SCFD2: variants seen among roughly 807,000 people sequenced by gnomAD.
The protein encoded by SCFD2 is sec1 family domain-containing protein 2.
SCFD2 carries 54 observed loss-of-function variants against 58.9 expected under a neutral mutation model. The observed-to-expected ratio is 0.92, with a 90% CI of 0.74 to 1.15. The LOEUF (loss-of-function observed/expected upper bound fraction) is 1.15, where lower values mean the gene tolerates loss of function less well. Ranked by LOEUF, SCFD2 falls within the 50% of genes most tolerant of loss-of-function variation. SCFD2 has a pLI of 0.00. For synonymous variants in SCFD2, 321 were observed against 335.9 expected, an observed-to-expected ratio of 0.96 and a Z score of 0.49; for missense variants, 805 against 836.6, an observed-to-expected ratio of 0.96 and a Z score of 0.47.
At chr4:53,060,344 G>C (rs573810225) in intron 5 of SCFD2, among the ~76,000 whole-genome samples, 9 of 152,088 alleles carry the variant, frequency 5.9e-5, no homozygotes, top group Non-Finnish European at 1.3e-4. Context: ...TCTGATCCAT[G>C]AACGACCTCC....
intron 7 of SCFD2, among the ~76,000 whole-genome samples, chr4:52,899,749 C>T (rs1016278726): frequency 2.6e-5 from 4 of 152,160 alleles, no homozygotes; most frequent in African/African-American, 9.7e-5. Context: ...GAGTGTTTTC[C>T]AACTTGGTTC....
At chr4:53,237,208 G>A (rs1050462928) in intron 4 of SCFD2, among the ~76,000 whole-genome samples, 19 of 148,918 alleles carry the variant, frequency 1.3e-4, no homozygotes, top group African/African-American at 4.7e-4. Context: ...TCTTAGTACA[G>A]AACAAAATGA....
intron 5 of SCFD2, chr4:52,956,606 C>T (rs1271796460): frequency 5.2e-6 from 1 of 193,476 alleles, no homozygotes; most frequent in Non-Finnish European, 1.1e-5. Flanking sequence ...TCATGAGCAC[C>T]TCTTCCCAGC....
intron 4 of SCFD2, among the ~76,000 whole-genome samples, chr4:53,147,025 C>T (rs1560357087): frequency 6.6e-6 from 1 of 151,896 alleles, no homozygotes; most frequent in Non-Finnish European, 1.5e-5. Flanking sequence ...AAAAATAAAG[C>T]GGGAAAGGAA....
intron 5 of SCFD2, among the ~76,000 whole-genome samples, chr4:53,071,238 G>A (rs1461192436): frequency 6.6e-6 from 1 of 152,240 alleles, no homozygotes; most frequent in East Asian, 1.9e-4. Flanking sequence ...ATTATCGTAC[G>A]CATCCTGGAT....
At chr4:53,194,282 C>T (rs1477968840) in intron 4 of SCFD2, among the ~76,000 whole-genome samples, 1 of 152,102 alleles carries the variant, frequency 6.6e-6, no homozygotes, top group Non-Finnish European at 1.5e-5. Flanking sequence ...TTCACTCCTC[C>T]TGTCACTACT....
At chr4:53,070,584 TAA>T (rs1723787059) in intron 5 of SCFD2, among the ~76,000 whole-genome samples, 1 of 152,048 alleles carries the variant, frequency 6.6e-6, no homozygotes, top group Admixed American at 6.6e-5. Context: ...GTGATTGATT[TAA>T]GAGAGCAAAT....
In SCFD2 at chr4:53,124,797, T is replaced by C. The variant is rs150056378; in HGVS notation, c.1561+20536A>G. Among the ~76,000 whole-genome samples the C allele has an allele frequency of 2.3e-3, 355 of 152,314 alleles. 5 individuals are homozygous for C. The highest frequency in any genetic ancestry group is 8.2e-3 in the African/African-American group (339 of 41,582). On this transcript the variant is annotated intron_variant, in intron 5 of 8. Coordinates refer to ENST00000401642, the MANE Select transcript of SCFD2 (RefSeq NM_152540.4). ...TAAAAATGTCAAAACTCTTTGTTCA[T>C]TCCTTCCTTCAGCACCACCATTTTC...
intron 5 of SCFD2, among the ~76,000 whole-genome samples, chr4:53,127,741 G>A (rs1725669271): frequency 1.3e-5 from 2 of 152,056 alleles, no homozygotes. Flanking sequence ...GCCTGTGTCT[G>A]GGACAGAGGG....
intron 5 of SCFD2, among the ~76,000 whole-genome samples, chr4:53,068,752 A>T (rs1390215431): frequency 6.6e-6 from 1 of 152,062 alleles, no homozygotes; most frequent in Non-Finnish European, 1.5e-5. Context: ...AGCTTTGGAC[A>T]TTCAATATTT....
chr4:53,077,393 T>C (rs1171440263), intron 5 of SCFD2, among the ~76,000 whole-genome samples: 3 of 152,204 alleles, frequency 2.0e-5, no homozygotes, highest in African/African-American at 4.8e-5. Context: ...ATCTTTACTG[T>C]ATTAAAAACT....
At chr4:53,339,671 G>C (rs1179641888) in intron 2 of SCFD2, among the ~76,000 whole-genome samples, 2 of 152,082 alleles carry the variant, frequency 1.3e-5, no homozygotes, top group Non-Finnish European at 2.9e-5. Context: ...TCGGGAGGCT[G>C]AGGCAGGAGA....
At chr4:52,897,969 G>T (rs535666066) in intron 7 of SCFD2, among the ~76,000 whole-genome samples, 101 of 152,248 alleles carry the variant, frequency 6.6e-4, no homozygotes, top group African/African-American at 2.3e-3. Context: ...TTCTCTGATG[G>T]TAGTTTGTAT....
At chr4:53,049,361 T>C (rs1723126404) in intron 5 of SCFD2, among the ~76,000 whole-genome samples, 1 of 151,990 alleles carries the variant, frequency 6.6e-6, no homozygotes, top group African/African-American at 2.4e-5. Context: ...TTGGTACTAA[T>C]AGTAACAATC....
chr4:53,299,547 C>T (rs1217521847), intron 3 of SCFD2, among the ~76,000 whole-genome samples: 1 of 152,046 alleles, frequency 6.6e-6, no homozygotes, highest in African/African-American at 2.4e-5. Flanking sequence ...AGGAGAACTT[C>T]CCCAATCTAG....
chr4:52,887,441 T>C (rs915788233), intron 7 of SCFD2, among the ~76,000 whole-genome samples: 6 of 152,178 alleles, frequency 3.9e-5, no homozygotes, highest in Non-Finnish European at 5.9e-5. Flanking sequence ...GACTCAGTGA[T>C]GGAGACACTG....
chr4:53,072,550 A>G (rs1369529081), intron 5 of SCFD2, among the ~76,000 whole-genome samples: 1 of 152,058 alleles, frequency 6.6e-6, no homozygotes, highest in Non-Finnish European at 1.5e-5. Flanking sequence ...AACCAGGCAA[A>G]GAACCCAGAG....
chr4:53,036,867 A>G (rs1368538726), intron 5 of SCFD2, among the ~76,000 whole-genome samples: 1 of 152,162 alleles, frequency 6.6e-6, no homozygotes, highest in Non-Finnish European at 1.5e-5. Flanking sequence ...CTACATCTAC[A>G]TGATTCCATT....
chr4:53,229,847 G>A (rs187857589), intron 4 of SCFD2, among the ~76,000 whole-genome samples: 1 of 152,176 alleles, frequency 6.6e-6, no homozygotes, highest in African/African-American at 2.4e-5. Context: ...CTACAGAATG[G>A]GAGAAAATTT....
Sources: gnomAD v4.1 joint callset for allele counts (sites outside exome capture counted in the v4.1 genomes callset) on GRCh38, gnomAD v4.1.1 for gene constraint, MANE v1.5 for transcripts, NCBI Gene and HGNC (gene_info 2026-07-23, HGNC 2026-07-21) for gene names.